The following FRMD5 variants were observed in gnomAD, a reference collection of about 807,000 sequenced individuals.
FRMD5 encodes FERM domain-containing protein 5.
Under a neutral mutation model 69.0 loss-of-function variants are expected in FRMD5, and 20 were observed. The ratio of observed to expected loss-of-function variants is 0.29; its 90% CI spans 0.20 to 0.42. The LOEUF (loss-of-function observed/expected upper bound fraction) is 0.42, where lower values mean the gene tolerates loss of function less well. FRMD5 is among the 10% of genes least tolerant of loss of function. The pLI is 1.00. For synonymous variants in FRMD5, 271 were observed against 260.1 expected (o/e 1.04, Z -0.40); for missense variants, 595 against 708.6 (o/e 0.84, Z 1.82).
intron 1 of FRMD5, among the ~76,000 whole-genome samples, chr15:44,070,391 G>GAATGCTTGAACAAAT (rs1367675302): frequency 6.6e-6 from 1 of 150,704 alleles, no homozygotes; most frequent in Non-Finnish European, 1.5e-5. Context: ...TTCTGTTCCA[G>GAATGCTTGAACAAAT]AATGCTTGAA....
intron 1 of FRMD5, among the ~76,000 whole-genome samples, chr15:44,077,503 A>G (rs1019760123): frequency 6.6e-6 from 1 of 152,162 alleles, no homozygotes; most frequent in Non-Finnish European, 1.5e-5. Context: ...AGAAGACAAC[A>G]ATGACTGCAG....
At chr15:43,956,849 A>C (rs753387206) in intron 1 of FRMD5, among the ~76,000 whole-genome samples, 2 of 152,252 alleles carry the variant, frequency 1.3e-5, no homozygotes, top group Non-Finnish European at 2.9e-5. Context: ...TTGGTTAGAC[A>C]ACTTAATGAT....
At chr15:43,951,019 TAC>T (rs908499225) in intron 1 of FRMD5, among the ~76,000 whole-genome samples, 4 of 152,198 alleles carry the variant, frequency 2.6e-5, no homozygotes, top group African/African-American at 9.7e-5. Context: ...TCAGAAGATC[TAC>T]AGAGGAAATG....
intron 1 of FRMD5, among the ~76,000 whole-genome samples, chr15:44,150,952 C>T (rs1021671935): frequency 5.3e-5 from 8 of 151,840 alleles, no homozygotes; most frequent in African/African-American, 9.7e-5. Flanking sequence ...ATTAGCCAAG[C>T]GTGGTGGTAT....
chr15:44,064,255 G>T (rs1397141083), intron 1 of FRMD5: 2 of 165,926 alleles, frequency 1.2e-5, no homozygotes, highest in East Asian at 1.9e-4. Context: ...GATCTGATCT[G>T]CTATCTAGAG....
At chr15:44,091,948 C>T (rs987964060) in intron 1 of FRMD5, among the ~76,000 whole-genome samples, 1 of 152,090 alleles carries the variant, frequency 6.6e-6, no homozygotes, top group African/African-American at 2.4e-5. Flanking sequence ...TGACATCCTA[C>T]ATGAAATATA....
Position 44,065,312 on chromosome 15 carries a change from G to A in FRMD5, c.102+129641C>T, listed in dbSNP as rs539951610. On this transcript the variant is annotated intron_variant, in intron 1 of 13. Coordinates refer to ENST00000417257, the MANE Select transcript of FRMD5 (RefSeq NM_032892.5). The stretch of plus-strand genomic sequence containing the variant: ...AGGACTAGGGTTTACAAAAATATAT[G>A]GCACAGTTTCTCAGCTTTCAAGAAC... Among the ~76,000 whole-genome samples the A allele has an allele frequency of 3.3e-5, 5 of 152,128 alleles. 1 individual carries two copies. In the South Asian group the frequency reaches 1.0e-3, roughly 32 times the overall value.
At chr15:44,160,924 C>T (rs752148070) in intron 1 of FRMD5, among the ~76,000 whole-genome samples, 1 of 152,150 alleles carries the variant, frequency 6.6e-6, no homozygotes, top group Non-Finnish European at 1.5e-5. Flanking sequence ...AAATTGCTCA[C>T]TTGTTGGGGA....
intron 1 of FRMD5, among the ~76,000 whole-genome samples, chr15:44,074,954 G>C (rs1293461260): frequency 6.6e-6 from 1 of 152,154 alleles, no homozygotes; most frequent in African/African-American, 2.4e-5. Flanking sequence ...AGACCATTGG[G>C]GTCCCTCTGA....
chr15:43,983,991 C>T (rs975591794), intron 1 of FRMD5, among the ~76,000 whole-genome samples: 1 of 152,220 alleles, frequency 6.6e-6, no homozygotes, highest in Non-Finnish European at 1.5e-5. Flanking sequence ...GCATTTCAAA[C>T]ACTGCTGTTG....
chr15:44,172,265 T>G (rs1405760980), intron 1 of FRMD5, among the ~76,000 whole-genome samples: 3 of 148,630 alleles, frequency 2.0e-5, no homozygotes, highest in Admixed American at 1.3e-4. Flanking sequence ...TTTCTTTTTC[T>G]CTTTTTCTTT....
upstream of FRMD5, among the ~76,000 whole-genome samples, chr15:44,197,808 C>G (rs915476228): frequency 2.6e-5 from 4 of 151,948 alleles, no homozygotes; most frequent in Non-Finnish European, 5.9e-5. Context: ...TAGAGGAAGT[C>G]CATAAGTGTG....
At chr15:43,879,981 G>T (rs548824551) in intron 13 of FRMD5, 1 of 207,354 alleles carries the variant, frequency 4.8e-6, no homozygotes, top group Non-Finnish European at 9.5e-6. Context: ...TTGGCCTGCA[G>T]CTCTTTCCCT....
intron 1 of FRMD5, among the ~76,000 whole-genome samples, chr15:44,174,066 T>C (rs2077851373): frequency 1.3e-5 from 2 of 152,054 alleles, no homozygotes; most frequent in Admixed American, 1.3e-4. Flanking sequence ...AACACTATAC[T>C]CCTTTCACTA....
upstream of FRMD5, among the ~76,000 whole-genome samples, chr15:44,198,237 T>C (rs2140638712): frequency 6.6e-6 from 1 of 151,218 alleles, no homozygotes; most frequent in East Asian, 1.9e-4. Flanking sequence ...GGTGGGAGGA[T>C]TGCTTGAGCC....
intron 1 of FRMD5, among the ~76,000 whole-genome samples, chr15:43,929,892 A>G (rs1365343784): frequency 6.6e-6 from 1 of 152,218 alleles, no homozygotes; most frequent in Non-Finnish European, 1.5e-5. Context: ...GATGTCTGCC[A>G]GGTTCCAGAG....
rs527409189 is a variant in FRMD5, at chr15:44,121,656, A to AAAAAAC, written c.102+73291_102+73296dup. On this transcript the variant is annotated intron_variant, in intron 1 of 13. Transcript: ENST00000417257. ...GCTTTAAAGGGGAAACTTACCAAAA[A>AAAAAAC]AAAAACAAAAACAAAAACAAAAAAA... 7.6e-4 allele frequency among the ~76,000 whole-genome samples: 116 copies of AAAAAAC among 152,092 alleles called. 1 individual carries two copies. In the South Asian group the frequency reaches 0.013, roughly 18 times the overall value.
Position 43,901,126 on chromosome 15 carries a change from C to T in FRMD5, c.639+1049G>A, listed in dbSNP as rs550063525. 6.6e-5 allele frequency among the ~76,000 whole-genome samples: 10 copies of T among 152,152 alleles called. No individual in the cohort carries two copies. In the South Asian group the frequency reaches 1.9e-3, roughly 28 times the overall value. On this transcript the variant is annotated intron_variant, in intron 7 of 13. Coordinates refer to ENST00000417257, the MANE Select transcript of FRMD5 (RefSeq NM_032892.5). ...AGAGACATGTACAGAGGGAAGAAAGCGTGAAGACACAGGCAGATGACAGCC... is the reference window on the plus strand; with the variant it reads ...AGAGACATGTACAGAGGGAAGAAAGTGTGAAGACACAGGCAGATGACAGCC...
rs1295432754 is a variant in FRMD5 at position 43,999,907 on chromosome 15, ATT to A, written c.103-75600_103-75599del. ...ACACATACATGATATACCATTTTATATTTGTGTGTGTGTATGTATATATATAT... is the reference window on the plus strand; with the variant it reads ...ACACATACATGATATACCATTTTATATGTGTGTGTGTATGTATATATATAT... On this transcript the variant is annotated intron_variant, in intron 1 of 13. Coordinates refer to ENST00000417257, the MANE Select transcript of FRMD5 (RefSeq NM_032892.5). Among the ~76,000 whole-genome samples, 12 of 11,886 alleles carry A rather than the reference ATT, an allele frequency of 1.0e-3. No individual in the cohort carries two copies. The South Asian group carries it at 0.034, about 34-fold the overall frequency. The allele number at this position is 11,886 out of a possible 152,430, so 7.8% of individuals were successfully genotyped here.
Sources: gnomAD v4.1 joint callset for allele counts (sites outside exome capture counted in the v4.1 genomes callset) on GRCh38, gnomAD v4.1.1 for gene constraint, MANE v1.5 for transcripts, NCBI Gene and HGNC (gene_info 2026-07-23, HGNC 2026-07-21) for gene names.